The following PLAAT4 variants were observed in gnomAD, a reference collection of about 807,000 sequenced individuals.
PLAAT4 encodes the protein phospholipase A and acyltransferase 4, also known as HRAS-like suppressor 4.
Under a neutral mutation model 14.1 loss-of-function variants are expected in PLAAT4, and 12 were observed. The observed-to-expected ratio is 0.85, with a 90% CI of 0.54 to 1.37. The LOEUF is 1.37. Among genes scored for constraint, PLAAT4 ranks in the 40% most tolerant of loss-of-function variants. The probability of loss-of-function intolerance (pLI) is 0.00; values close to 1 mark genes in which losing one functional copy is unlikely to be tolerated. For missense variants in PLAAT4, 163 were observed against 211.7 expected, an observed-to-expected ratio of 0.77 and a Z score of 1.43; for synonymous variants, 77 against 79.8, an observed-to-expected ratio of 0.96 and a Z score of 0.19.
At chr11:63,543,990 T>G (rs1414216243) in intron 2 of PLAAT4, among the ~76,000 whole-genome samples, 2 of 152,282 alleles carry the variant, frequency 1.3e-5, no homozygotes, top group Middle Eastern at 3.4e-3. Flanking sequence ...GTTTTTAAAT[T>G]GAGATGATAA....
chr11:63,539,983 AT>A (rs1368139685), intron 2 of PLAAT4, among the ~76,000 whole-genome samples: 1 of 152,250 alleles, frequency 6.6e-6, no homozygotes, highest in Non-Finnish European at 1.5e-5. Flanking sequence ...AAATAAGTCA[AT>A]GAGAGCCACT....
At chr11:63,540,912 A>C (rs1302174617) in intron 2 of PLAAT4, among the ~76,000 whole-genome samples, 1 of 152,236 alleles carries the variant, frequency 6.6e-6, no homozygotes, top group Non-Finnish European at 1.5e-5. Context: ...CATATCCTCT[A>C]GGGCAGTGCC....
At chr11:63,537,874 T>C (rs1044969117) in intron 1 of PLAAT4, among the ~76,000 whole-genome samples, 1 of 152,144 alleles carries the variant, frequency 6.6e-6, no homozygotes, top group Middle Eastern at 3.2e-3. Context: ...CACAGGATCC[T>C]GCCTGCCTGG....
At chr11:63,544,191 G>A (rs1160730387) in intron 2 of PLAAT4, among the ~76,000 whole-genome samples, 1 of 152,150 alleles carries the variant, frequency 6.6e-6, no homozygotes, top group Non-Finnish European at 1.5e-5. Context: ...ATACCTAAAT[G>A]ACGGATAACA....
chr11:63,545,059 G>A, intron 3 of PLAAT4, 170 bp downstream of exon 3: 1 of 923,406 alleles, frequency 1.1e-6, no homozygotes, highest in Non-Finnish European at 1.7e-6. Flanking sequence ...TCCACAGAGG[G>A]TCTTTGGACA....
At chr11:63,539,424 G>C (rs2017302609) in intron 1 of PLAAT4, 92 bp from the exon 2 acceptor site, 4 of 1,002,318 alleles carry the variant, frequency 4.0e-6, no homozygotes, top group Non-Finnish European at 6.3e-6. Flanking sequence ...ACATCAGCAA[G>C]GCGTCTCCAG....
At position 63,544,670 on chromosome 11, in the gene PLAAT4, C is replaced by T; in HGVS notation, c.168C>T (p.Asn56=). 3 of 1,614,152 alleles carry T rather than the reference C, an allele frequency of 1.9e-6. No individual in the cohort carries two copies. Among genetic ancestry groups the T allele is most frequent in the Admixed American group, 1.7e-5 (1 of 60,014 alleles). ...GSSSVFSVLS[N]SAEVKRERLE... is the part of the protein sequence containing the mutation. ...CCAGTGTCTTCTCAGTCCTGAGCAA[C>T]AGTGCAGAGGTGAAACGGGAGCGCC... is the stretch of plus-strand genomic sequence containing the variant. Residue 56 remains asparagine, a synonymous_variant, in exon 3 of 4, where the codon AAC becomes AAT. Transcript: ENST00000255688.
rs757223365 is a variant in PLAAT4 at position 63,546,255 on chromosome 11, G to A, written c.494G>A (p.Ter165=). 2.9e-5 allele frequency: 46 copies of A among 1,613,762 alleles called. No homozygotes were observed. In the Middle Eastern group the frequency reaches 4.9e-4, roughly 17 times the overall value. Reference sequence around the variant, plus strand: ...AGATACCAAAAAAAAGCGACAGCCTGAAGCAGCCACAAAATCCTGTGTTAG... The same window carrying A: ...AGATACCAAAAAAAAGCGACAGCCTAAAGCAGCCACAAAATCCTGTGTTAG... ...IRRYQKKATA[*] The change falls in exon 4 of 4, where the codon TGA becomes TAA. Residue 165 remains the stop codon, a stop_retained_variant. Coordinates refer to ENST00000255688, the MANE Select transcript of PLAAT4 (RefSeq NM_004585.5).
chr11:63,543,490 G>C (rs1252395035), intron 2 of PLAAT4, among the ~76,000 whole-genome samples: 3 of 152,196 alleles, frequency 2.0e-5, no homozygotes, highest in African/African-American at 7.2e-5. Flanking sequence ...ATTTTTTGTA[G>C]AGACAGGTCT....
Position 63,539,615 on chromosome 11 carries a change from G to C in PLAAT4, c.109G>C (p.Ala37Pro), listed in dbSNP as rs1263217928. The change falls in exon 2 of 4, where the codon GCT becomes CCT. Residue 37 changes from alanine to proline, a missense_variant. Ala to Pro is a conservative substitution (Grantham distance 27). Transcript: ENST00000255688. ...AGGAGATGGCTACGTGATCCATCTG[G>C]CTCCTCCAAGTAAGGACTGATGAAT... ...YIGDGYVIHL[A>P]PPSEYPGAGS... 1 of 1,604,252 alleles carries C rather than the reference G, an allele frequency of 6.2e-7. No homozygotes were observed. The highest frequency in any genetic ancestry group is 8.5e-7 in the Non-Finnish European group (1 of 1,171,246).
At position 63,546,426 on chromosome 11, in the gene PLAAT4, T is replaced by C. The variant is rs2017367744; in HGVS notation, c.*170T>C. 6.5e-6 allele frequency: 4 copies of C among 615,984 alleles called. No homozygotes were observed. The highest frequency in any genetic ancestry group is 1.1e-5 in the Non-Finnish European group (4 of 349,918). 38.2% of individuals were successfully genotyped at this position (615,984 alleles called of 1,614,324 possible). ...AAGTATGATCTAATTGAAACAAGAC[T>C]GAAGGATCAATAAACAGCCATCTGC... On this transcript the variant is annotated 3_prime_UTR_variant, in exon 4 of 4. Transcript: ENST00000255688.
intron 2 of PLAAT4, among the ~76,000 whole-genome samples, chr11:63,542,728 T>C (rs1590664187): frequency 6.6e-6 from 1 of 152,188 alleles, no homozygotes; most frequent in East Asian, 1.9e-4. Context: ...TCATTCCTTC[T>C]CCTTGAATTT....
rs368350490 is a variant in PLAAT4, at chr11:63,546,258, G to A, written c.*2G>A. On this transcript the variant is annotated 3_prime_UTR_variant, in exon 4 of 4. Coordinates refer to ENST00000255688, the MANE Select transcript of PLAAT4 (RefSeq NM_004585.5). ...TACCAAAAAAAAGCGACAGCCTGAA[G>A]CAGCCACAAAATCCTGTGTTAGAAG... 1.1e-5 allele frequency: 18 copies of A among 1,613,310 alleles called. No individual in the cohort carries two copies. The highest frequency in any genetic ancestry group is 3.3e-4 in the Middle Eastern group (2 of 6,078).
chr11:63,538,528 C>T, intron 1 of PLAAT4: 1 of 243,096 alleles, frequency 4.1e-6, no homozygotes, highest in South Asian at 3.5e-5. Flanking sequence ...GGAGAGCAGA[C>T]CCCAGGTCTA....
rs140909837 is a variant in PLAAT4, at chr11:63,542,319, G to A, written c.119-2302G>A. Among the ~76,000 whole-genome samples, 1,041 of 151,970 alleles carry A rather than the reference G, an allele frequency of 6.9e-3. 7 individuals carry two copies. The highest frequency in any genetic ancestry group is 0.011 in the Non-Finnish European group (744 of 67,976). On this transcript the variant is annotated intron_variant, in intron 2 of 3. Transcript: ENST00000255688. The stretch of plus-strand genomic sequence containing the variant: ...TTATATAGTTATTCTGTTTTCTTCC[G>A]TACTGTCATTTCACATCTCTATCAG...
intron 2 of PLAAT4, 133 bp from the exon 3 acceptor site, chr11:63,544,488 A>T: frequency 7.9e-7 from 1 of 1,261,692 alleles, no homozygotes; most frequent in Non-Finnish European, 1.1e-6. Context: ...AAAATAAAAA[A>T]AAAAAGCAAA....
At chr11:63,538,447 C>G (rs1434329465) in intron 1 of PLAAT4, 3 of 340,666 alleles carry the variant, frequency 8.8e-6, no homozygotes, top group East Asian at 1.2e-4. Flanking sequence ...AGCACACCAA[C>G]AAGGAGAAGC....
intron 2 of PLAAT4, among the ~76,000 whole-genome samples, chr11:63,542,901 G>A (rs972298394): frequency 5.3e-5 from 8 of 152,282 alleles, no homozygotes; most frequent in African/African-American, 1.9e-4. Flanking sequence ...AACAATGCTT[G>A]TGGAAAACTA....
Position 63,539,638 on chromosome 11 carries a change from A to G in PLAAT4, c.118+14A>G, listed in dbSNP as rs2017305785. The G allele has an allele frequency of 6.4e-7, 1 of 1,566,612 alleles. No individual in the cohort carries two copies. The highest frequency in any genetic ancestry group is 1.4e-5 in the African/African-American group (1 of 73,546). ...TGGCTCCTCCAAGTAAGGACTGATG[A>G]ATATATAATTTTCAAAATATTTGTT... On this transcript the variant is annotated intron_variant, in intron 2 of 3. Transcript: ENST00000255688.
Sources: allele counts gnomAD v4.1 joint callset (sites outside exome capture counted in the v4.1 genomes callset), GRCh38; gene constraint gnomAD v4.1.1; transcripts MANE v1.5; gene names NCBI Gene and HGNC (gene_info 2026-07-23, HGNC 2026-07-21).